TMEM233: variants seen among roughly 807,000 people sequenced by gnomAD.
TMEM233 encodes the protein transmembrane protein 233, also known as dispanin subfamily B member 2.
In TMEM233, 6 loss-of-function variants were observed where a neutral mutation model predicts 11.2. That is an observed-to-expected ratio of 0.54 (90% confidence interval 0.29 to 1.06). The LOEUF is 1.06. Ranked by LOEUF, TMEM233 falls within the 50% of genes least tolerant of loss-of-function variation. TMEM233 has a pLI of 0.08. For missense variants in TMEM233, 127 were observed against 144.7 expected (o/e 0.88, Z 0.63); for synonymous variants, 59 against 55.8 (o/e 1.06, Z -0.26).
chr12:119,606,408 G>A lies in TMEM233; in HGVS notation c.186+12374G>A, dbSNP rs1954279970. On this transcript the variant is annotated intron_variant, in intron 1 of 2. Coordinates refer to ENST00000426426, the MANE Select transcript of TMEM233 (RefSeq NM_001136534.3). ...TAAAGGAATGAAGATGATGAGGATG[G>A]TTTTGAAAGAGAGAAGATGTGGTTT... Among the ~76,000 whole-genome samples the A allele has an allele frequency of 2.6e-5, 4 of 152,064 alleles. No homozygotes were observed. In the South Asian group the frequency reaches 8.3e-4, roughly 32 times the overall value.
chr12:119,627,783 G>T (rs115861219), intron 1 of TMEM233, among the ~76,000 whole-genome samples: 2 of 152,250 alleles, frequency 1.3e-5, no homozygotes, highest in African/African-American at 4.8e-5. Context: ...ATTGAAGACC[G>T]GCTGAAACAG....
In TMEM233 at chr12:119,595,000, G is replaced by T. The variant is rs71454603; in HGVS notation, c.186+966G>T. ...TTCCACGCAACGTGCGGCTCCGCCC[G>T]CCCTCTGCGCTCAGACCTCCCGAGC... On this transcript the variant is annotated intron_variant, in intron 1 of 2. Transcript: ENST00000426426. The surrounding 1 kb of genome is among the most constrained non-coding windows in gnomAD (Gnocchi z 5.6). Among the ~76,000 whole-genome samples, 1 of 152,166 alleles carries T rather than the reference G, an allele frequency of 6.6e-6. No individual in the cohort carries two copies. The highest frequency in any genetic ancestry group is 6.5e-5 in the Admixed American group (1 of 15,284).
chr12:119,616,225 A>G (rs899159065), intron 1 of TMEM233, among the ~76,000 whole-genome samples: 2 of 152,210 alleles, frequency 1.3e-5, no homozygotes, highest in Non-Finnish European at 2.9e-5. Flanking sequence ...GAGCAAAGAG[A>G]AGAGTCACTG....
At chr12:119,621,205 C>T (rs1196054249) in intron 1 of TMEM233, among the ~76,000 whole-genome samples, 3 of 152,148 alleles carry the variant, frequency 2.0e-5, no homozygotes, top group Admixed American at 6.5e-5. Flanking sequence ...TGTGCCACCA[C>T]GCCAGCTAAT....
the TMEM233 span, among the ~76,000 whole-genome samples, chr12:119,650,856 T>A: frequency 6.6e-6 from 1 of 152,232 alleles, no homozygotes; most frequent in African/African-American, 2.4e-5. Context: ...TTGGCCAGGC[T>A]GGTCTTGAAC....
At chr12:119,608,942 T>G (rs933254831) in intron 1 of TMEM233, among the ~76,000 whole-genome samples, 9 of 151,884 alleles carry the variant, frequency 5.9e-5, no homozygotes, top group Non-Finnish European at 8.8e-5. Context: ...ATTAATAGAG[T>G]AAACTGGTAC....
At chr12:119,636,083 G>C (rs2078938) in intron 2 of TMEM233, among the ~76,000 whole-genome samples, 116,392 of 152,038 alleles carry the variant, frequency 0.77, 44,748 homozygotes, top group Middle Eastern at 0.85. Flanking sequence ...CAGGCCATTT[G>C]TCCTCCCTGG....
At position 119,594,862 on chromosome 12, in the gene TMEM233, G is replaced by A. The variant is rs1445470163; in HGVS notation, c.186+828G>A. ...ACCCAGCGCGTCGTAGTTCCTCCCC[G>A]TTTGCTGCGCACTGGCCCTAACCTC... On this transcript the variant is annotated intron_variant, in intron 1 of 2. Coordinates refer to ENST00000426426, the MANE Select transcript of TMEM233 (RefSeq NM_001136534.3). The surrounding 1 kb of genome is among the most constrained non-coding windows in gnomAD (Gnocchi z 5.6). 1.3e-5 allele frequency among the ~76,000 whole-genome samples: 2 copies of A among 151,984 alleles called. No individual in the cohort carries two copies. The highest frequency in any genetic ancestry group is 2.9e-5 in the Non-Finnish European group (2 of 67,982).
chr12:119,640,570 C>A, intron 2 of TMEM233, 129 bp from the exon 3 acceptor site: 2 of 987,362 alleles, frequency 2.0e-6, no homozygotes, highest in Non-Finnish European at 3.1e-6. Flanking sequence ...TGCACGCAGG[C>A]TGGTACATTT....
intron 1 of TMEM233, among the ~76,000 whole-genome samples, chr12:119,601,946 A>G (rs1954177587): frequency 6.6e-6 from 1 of 152,192 alleles, no homozygotes; most frequent in Non-Finnish European, 1.5e-5. Flanking sequence ...TCCTGAAAAC[A>G]AGGCAACCAG....
rs1298324040 is a variant in TMEM233 at position 119,594,968 on chromosome 12, T to C, written c.186+934T>C. Reference sequence around the variant, plus strand: ...GCCCGGGGCTCTCCCGGGAATGAACTAGGGGATTCCACGCAACGTGCGGCT... The same window carrying C: ...GCCCGGGGCTCTCCCGGGAATGAACCAGGGGATTCCACGCAACGTGCGGCT... On this transcript the variant is annotated intron_variant, in intron 1 of 2. Coordinates refer to ENST00000426426, the MANE Select transcript of TMEM233 (RefSeq NM_001136534.3). This position sits in a 1 kb window ranked among gnomAD's most constrained non-coding sequence, Gnocchi z 5.6. 6.6e-6 allele frequency among the ~76,000 whole-genome samples: 1 copy of C among 152,114 alleles called. No homozygotes were observed. The highest frequency in any genetic ancestry group is 1.9e-4 in the East Asian group (1 of 5,166).
At chr12:119,624,359 C>CAA (rs200244351) in intron 1 of TMEM233, among the ~76,000 whole-genome samples, 1 of 136,182 alleles carries the variant, frequency 7.3e-6, no homozygotes, top group African/African-American at 2.7e-5. Flanking sequence ...GACCTCATCT[C>CAA]AAAAAAAAAA....
downstream of TMEM233, among the ~76,000 whole-genome samples, chr12:119,643,424 T>G (rs1396455569): frequency 2.6e-5 from 4 of 152,204 alleles, no homozygotes; most frequent in African/African-American, 9.6e-5. Context: ...TGTCCAGAGC[T>G]TCCTCCAAAG....
intron 1 of TMEM233, among the ~76,000 whole-genome samples, chr12:119,597,623 G>A (rs1467718052): frequency 4.6e-5 from 7 of 152,300 alleles, no homozygotes; most frequent in East Asian, 1.9e-4. Context: ...AGTGTTCTTC[G>A]AGTGGTGGAT....
intron 2 of TMEM233, among the ~76,000 whole-genome samples, chr12:119,630,280 C>T (rs1330763110): frequency 2.0e-5 from 3 of 152,190 alleles, no homozygotes; most frequent in Non-Finnish European, 4.4e-5. Flanking sequence ...ATCAGGTCAA[C>T]AATATGGATC....
intron 2 of TMEM233, chr12:119,631,040 A>G (rs1954870623): frequency 6.6e-6 from 1 of 152,170 alleles, no homozygotes; most frequent in Admixed American, 6.5e-5. Context: ...ACTCAATAAC[A>G]CTTTCCGTCA....
At chr12:119,615,446 C>CA (rs1333467742) in intron 1 of TMEM233, among the ~76,000 whole-genome samples, 1 of 151,342 alleles carries the variant, frequency 6.6e-6, no homozygotes, top group African/African-American at 2.4e-5. Context: ...GAAAAACTTT[C>CA]AAAAAAAAAT....
chr12:119,600,242 G>A (rs890012326), intron 1 of TMEM233, among the ~76,000 whole-genome samples: 2 of 144,652 alleles, frequency 1.4e-5, no homozygotes, highest in Non-Finnish European at 3.0e-5. Context: ...ACAAGATGTA[G>A]AAGAAAACTT....
intron 1 of TMEM233, among the ~76,000 whole-genome samples, chr12:119,627,858 G>A (rs1179629919): frequency 6.6e-6 from 1 of 152,212 alleles, no homozygotes; most frequent in Non-Finnish European, 1.5e-5. Context: ...GTTTACCATT[G>A]CTATGGCAAC....
Sources: allele counts gnomAD v4.1 joint callset (sites outside exome capture counted in the v4.1 genomes callset), GRCh38; gene constraint gnomAD v4.1.1; non-coding constraint Gnocchi (gnomAD v3.1); transcripts MANE v1.5; gene names NCBI Gene and HGNC (gene_info 2026-07-23, HGNC 2026-07-21).